The following MYO10 variants were observed in gnomAD, a reference collection of about 807,000 sequenced individuals.
The protein encoded by MYO10 is unconventional myosin-X.
A neutral mutation model predicts 257.3 loss-of-function variants in MYO10; 133 were observed. The observed-to-expected ratio is 0.52, with a 90% CI of 0.45 to 0.60. The LOEUF (loss-of-function observed/expected upper bound fraction) is 0.60, where lower values mean the gene tolerates loss of function less well. Among genes scored for constraint, MYO10 ranks in the 20% least tolerant of loss-of-function variants. The probability of loss-of-function intolerance (pLI) is 0.00; values close to 1 mark genes in which losing one functional copy is unlikely to be tolerated. For missense variants in MYO10, 2,399 were observed against 2,635.7 expected, an observed-to-expected ratio of 0.91 and a Z score of 1.97; for synonymous variants, 1,104 against 1,028.6, an observed-to-expected ratio of 1.07 and a Z score of -1.40.
intron 1 of MYO10, among the ~76,000 whole-genome samples, chr5:16,908,917 A>G (rs1015098508): frequency 2.0e-5 from 3 of 152,346 alleles, no homozygotes; most frequent in South Asian, 2.1e-4. Flanking sequence ...TCCAGAACAG[A>G]TAATTCCATA....
chr5:16,821,068 TATAAG>T (rs1190581722), intron 2 of MYO10, among the ~76,000 whole-genome samples: 26 of 147,430 alleles, frequency 1.8e-4, no homozygotes, highest in African/African-American at 4.7e-4. Flanking sequence ...ATATATAATA[TATAAG>T]ATGTTTTATA....
At chr5:16,899,615 C>T (rs1419976267) in intron 1 of MYO10, among the ~76,000 whole-genome samples, 40 of 121,634 alleles carry the variant, frequency 3.3e-4, no homozygotes, top group African/African-American at 1.2e-3. Context: ...GCAACAAGAG[C>T]AAAACTCAGT....
chr5:16,906,930 G>C (rs894374709), intron 1 of MYO10, among the ~76,000 whole-genome samples: 6 of 152,074 alleles, frequency 3.9e-5, no homozygotes, highest in Non-Finnish European at 8.8e-5. Context: ...TGGCTAACAC[G>C]ATGAAACCCC....
At chr5:16,910,983 T>C (rs1377880511) in intron 1 of MYO10, among the ~76,000 whole-genome samples, 1 of 152,026 alleles carries the variant, frequency 6.6e-6, no homozygotes, top group Non-Finnish European at 1.5e-5. Context: ...AGTAAACGTT[T>C]AAAATAGAAA....
At chr5:16,869,632 A>G (rs1300634214) in intron 2 of MYO10, among the ~76,000 whole-genome samples, 1 of 151,866 alleles carries the variant, frequency 6.6e-6, no homozygotes, top group Non-Finnish European at 1.5e-5. Context: ...TGGGAAGCCA[A>G]GGCAGGTGGA....
chr5:16,779,116 C>T (rs1430684720), intron 9 of MYO10, among the ~76,000 whole-genome samples: 2 of 152,236 alleles, frequency 1.3e-5, no homozygotes, highest in Non-Finnish European at 2.9e-5. Context: ...TCTGCAACAA[C>T]AGTCACCTGG....
At chr5:16,909,330 A>C (rs1029999845) in intron 1 of MYO10, among the ~76,000 whole-genome samples, 5 of 152,044 alleles carry the variant, frequency 3.3e-5, no homozygotes, top group African/African-American at 9.7e-5. Flanking sequence ...ACATGGTGAA[A>C]CCTTGCCTCT....
chr5:16,805,401 G>T (rs957901874), intron 3 of MYO10, among the ~76,000 whole-genome samples: 11 of 139,836 alleles, frequency 7.9e-5, no homozygotes, highest in African/African-American at 3.0e-4. Flanking sequence ...AGCAGAGATT[G>T]CAGTGAACCA....
At chr5:16,914,236 T>C (rs76182933) in intron 1 of MYO10, among the ~76,000 whole-genome samples, 9,360 of 152,244 alleles carry the variant, frequency 0.061, 288 homozygotes, top group Non-Finnish European at 0.079. Context: ...CTTGGCTGAG[T>C]GCCCACTGCC....
At chr5:16,891,611 G>C (rs78067784) in intron 1 of MYO10, among the ~76,000 whole-genome samples, 92 of 152,150 alleles carry the variant, frequency 6.0e-4, no homozygotes, top group African/African-American at 2.2e-3. Context: ...ACTTTAAATG[G>C]GTGAATGTCA....
At position 16,672,782 on chromosome 5, in the gene MYO10, C is replaced by CT; in HGVS notation, c.5215dup (p.Arg1739LysfsTer8). ...GTATTCAAACAAAGCAAACATGTTC[C>CT]TGCTGTCCTCCATGGCCAGGCCTCG... On this transcript the variant is annotated frameshift_variant, in exon 37 of 41. Coordinates refer to ENST00000513610, the MANE Select transcript of MYO10 (RefSeq NM_012334.3). LOFTEE classifies it high-confidence loss of function. The CT allele has an allele frequency of 6.2e-7, 1 of 1,613,880 alleles. No individual in the cohort carries two copies. Among genetic ancestry groups the CT allele is most frequent in the Non-Finnish European group, 8.5e-7 (1 of 1,179,826 alleles).
rs144749601 is a variant in MYO10, at chr5:16,842,737, C to A, written c.121-24570G>T. Among the ~76,000 whole-genome samples the A allele has an allele frequency of 5.3e-3, 804 of 152,060 alleles. 10 individuals are homozygous for A. Among genetic ancestry groups the A allele is most frequent in the Middle Eastern group, 0.031 (9 of 294 alleles). Reference sequence around the variant, plus strand: ...ACCAGGAGTTTGACACCAGCCAAAGCAACTTAGCAAAAACCCCATCTCTAC... The same window carrying A: ...ACCAGGAGTTTGACACCAGCCAAAGAAACTTAGCAAAAACCCCATCTCTAC... On this transcript the variant is annotated intron_variant, in intron 2 of 40. Coordinates refer to ENST00000513610, the MANE Select transcript of MYO10 (RefSeq NM_012334.3).
Position 16,711,018 on chromosome 5 carries a change from T to G in MYO10, c.2059A>C (p.Lys687Gln), listed in dbSNP as rs1490442929. The change falls in exon 21 of 41, where the codon AAA (lysine) becomes CAA (glutamine). Residue 687 changes from lysine (K) to glutamine (Q), a missense_variant. Transcript: ENST00000513610. ...AGAGCCAGATTCCTCATCAGCACTT[T>G]ATACCTGCAACGTGAAGACACACAG... The part of the protein sequence containing the change: ...RPFQDFYKRY[K>Q]VLMRNLALPE... 2 of 1,613,990 alleles carry G rather than the reference T, an allele frequency of 1.2e-6. No homozygotes were observed. Among genetic ancestry groups the G allele is most frequent in the South Asian group, 1.1e-5 (1 of 91,072 alleles).
rs189340910 is a variant in MYO10, at chr5:16,721,687, C to T, written c.1930-10442G>A. On this transcript the variant is annotated intron_variant, in intron 19 of 40. Transcript: ENST00000513610. Reference sequence around the variant, plus strand: ...CAAGTACAACCTTCAACCCACATACCCGCTGAGACTAAGTACAGCTGTCAC... The same window carrying T: ...CAAGTACAACCTTCAACCCACATACTCGCTGAGACTAAGTACAGCTGTCAC... Among the ~76,000 whole-genome samples the T allele has an allele frequency of 3.9e-5, 6 of 152,280 alleles. 1 individual carries two copies. The highest frequency in any genetic ancestry group is 1.4e-4 in the African/African-American group (6 of 41,564).
intron 36 of MYO10, 62 bp from the exon 37 acceptor site, chr5:16,672,887 A>G (rs1220889611): frequency 7.7e-6 from 12 of 1,563,646 alleles, no homozygotes; most frequent in Non-Finnish European, 1.0e-5. Flanking sequence ...GTGTTCCCAG[A>G]ACGTGCCATC....
intron 1 of MYO10, among the ~76,000 whole-genome samples, chr5:16,878,767 T>C (rs535235902): frequency 4.0e-3 from 612 of 152,154 alleles, no homozygotes; most frequent in Non-Finnish European, 5.4e-3. Context: ...CGCTTATAAG[T>C]GGGAGCTAAG....
In MYO10 at chr5:16,816,912, C is replaced by T. The variant is rs1055826659; in HGVS notation, c.279+1097G>A. On this transcript the variant is annotated intron_variant, in intron 3 of 40. Transcript: ENST00000513610. ...TTGGCTCACTGCAACCTCTGCCTCC[C>T]GGGTTCAAGCAATTCTCCTGCCTCA... Among the ~76,000 whole-genome samples the T allele has an allele frequency of 1.4e-4, 22 of 151,904 alleles. No individual in the cohort carries two copies. In the East Asian group the frequency reaches 3.5e-3, roughly 24 times the overall value.
At chr5:16,867,599 C>T (rs943989371) in intron 2 of MYO10, among the ~76,000 whole-genome samples, 5 of 152,142 alleles carry the variant, frequency 3.3e-5, no homozygotes, top group Non-Finnish European at 7.3e-5. Flanking sequence ...AAAATTGGGC[C>T]GATGGCATTA....
At chr5:16,895,031 C>T (rs1745178612) in intron 1 of MYO10, among the ~76,000 whole-genome samples, 1 of 152,224 alleles carries the variant, frequency 6.6e-6, no homozygotes, top group East Asian at 1.9e-4. Flanking sequence ...CAGTCTCAGA[C>T]TAACCCGCCA....
Sources: allele counts gnomAD v4.1 joint callset (sites outside exome capture counted in the v4.1 genomes callset), GRCh38; gene constraint gnomAD v4.1.1; transcripts MANE v1.5; gene names NCBI Gene and HGNC (gene_info 2026-07-23, HGNC 2026-07-21).